Variants in UNC79 observed in about 807,000 individuals in gnomAD.
The protein encoded by UNC79 is protein unc-79 homolog.
In UNC79, 37 loss-of-function variants were observed where a neutral mutation model predicts 283.1. The observed-to-expected ratio is 0.13, with a 90% CI of 0.10 to 0.17. The LOEUF is 0.17. Among genes scored for constraint, UNC79 ranks in the 10% least tolerant of loss-of-function variants. The pLI is 1.00. For synonymous variants in UNC79, 1,107 were observed against 1,200.2 expected (o/e 0.92, Z 1.61); for missense variants, 2,272 against 3,211.1 (o/e 0.71, Z 7.07).
chr14:93,425,873 ACT>A (rs896078439), upstream of UNC79, among the ~76,000 whole-genome samples: 7 of 152,146 alleles, frequency 4.6e-5, no homozygotes, highest in Admixed American at 3.9e-4. Flanking sequence ...ACATTTTAAA[ACT>A]CTTCAGTAAA....
At chr14:93,443,798 G>A (rs1273398734) in intron 1 of UNC79, among the ~76,000 whole-genome samples, 1 of 152,026 alleles carries the variant, frequency 6.6e-6, no homozygotes, top group Admixed American at 6.6e-5. Context: ...TATTTTGTTT[G>A]TTTTTATTGC....
chr14:93,582,608 G>T lies in UNC79; in HGVS notation c.2803+264G>T, dbSNP rs942857974. ...ATCGCCTCCCTACTTACAATGCGAG[G>T]TATTCTCTGTGGACCAAGGCTGGGT... On this transcript the variant is annotated intron_variant, in intron 20 of 48. Coordinates refer to ENST00000555664, the Ensembl canonical transcript of UNC79. 1.8e-4 allele frequency among the ~76,000 whole-genome samples: 28 copies of T among 152,304 alleles called. 2 individuals carry two copies. The highest frequency in any genetic ancestry group is 7.3e-5 in the Non-Finnish European group (5 of 68,032).
At chr14:93,618,495 C>A in intron 29 of UNC79, 141 bp downstream of exon 30, 1 of 979,772 alleles carries the variant, frequency 1.0e-6, no homozygotes. Context: ...TTCCAACTTT[C>A]CATGAATGTT....
At chr14:93,433,853 G>T (rs1029987156) in intron 1 of UNC79, among the ~76,000 whole-genome samples, 27 of 152,158 alleles carry the variant, frequency 1.8e-4, no homozygotes, top group African/African-American at 6.0e-4. Flanking sequence ...GTATCACAGA[G>T]ATATGAAAAA....
intron 1 of UNC79, among the ~76,000 whole-genome samples, chr14:93,445,743 T>C (rs1303241902): frequency 6.6e-6 from 1 of 152,118 alleles, no homozygotes; most frequent in Non-Finnish European, 1.5e-5. Flanking sequence ...CTGGAGGTTC[T>C]TTTTTTGGGG....
rs955797648 is a variant in UNC79 at position 93,442,123 on chromosome 14, C to CT, written c.22+11081dup. 6.0e-5 allele frequency among the ~76,000 whole-genome samples: 9 copies of CT among 150,852 alleles called. No homozygotes were observed. In the South Asian group the frequency reaches 6.3e-4, roughly 11 times the overall value. On this transcript the variant is annotated intron_variant, in intron 1 of 48. Transcript: ENST00000555664. ...AATCTTGTTTTCTTAGTGGCTTAGTCTTTTTTTTTAATCTCCTTTTAAGTA... is the reference window on the plus strand; with the variant it reads ...AATCTTGTTTTCTTAGTGGCTTAGTCTTTTTTTTTTAATCTCCTTTTAAGTA...
chr14:93,506,806 G>A (rs561680028), intron 7 of UNC79, among the ~76,000 whole-genome samples: 5 of 152,132 alleles, frequency 3.3e-5, no homozygotes, highest in African/African-American at 1.2e-4. Context: ...ATGTACAGCT[G>A]GGTCAATTAT....
At chr14:93,697,162 G>A (rs1393204183) in intron 47 of UNC79, among the ~76,000 whole-genome samples, 2 of 151,854 alleles carry the variant, frequency 1.3e-5, no homozygotes, top group Non-Finnish European at 2.9e-5. Context: ...CTGAGACAGA[G>A]TCTCACTCTG....
At chr14:93,416,490 A>G (rs1321043278) in intron 1 of UNC79, among the ~76,000 whole-genome samples, 1 of 150,336 alleles carries the variant, frequency 6.7e-6, no homozygotes, top group Non-Finnish European at 1.5e-5. Flanking sequence ...AAAAAAATGT[A>G]TATTCTGTTG....
At chr14:93,529,378 T>G (rs1398364167) in intron 10 of UNC79, 52 bp downstream of exon 10, 1 of 1,585,754 alleles carries the variant, frequency 6.3e-7, no homozygotes, top group Middle Eastern at 1.8e-4. Flanking sequence ...ACTAATGACA[T>G]AGTTGCTTTA....
chr14:93,350,008 A>T (rs1362585684), intron 1 of UNC79, among the ~76,000 whole-genome samples: 1 of 152,228 alleles, frequency 6.6e-6, no homozygotes, highest in African/African-American at 2.4e-5. Context: ...TTAAAATCGT[A>T]AAATTATTTT....
intron 1 of UNC79, among the ~76,000 whole-genome samples, chr14:93,345,260 A>C (rs2053799258): frequency 6.6e-6 from 1 of 152,248 alleles, no homozygotes; most frequent in African/African-American, 2.4e-5. Context: ...CGTCATTTAT[A>C]AGCCATCCAG....
At position 93,333,783 on chromosome 14, in the gene UNC79, CAG is replaced by C. The variant is rs576494134; in HGVS notation, c.-351+266_-351+267del. On this transcript the variant is annotated intron_variant, in intron 1 of 49. Transcript: ENST00000256339. ...GTATTTATGGGGCACTGTCGTTTTC[CAG>C]AGAGATCCATGGTTTCATTTGAACG... is the stretch of plus-strand genomic sequence containing the variant. 8.5e-5 allele frequency among the ~76,000 whole-genome samples: 13 copies of C among 152,222 alleles called. No homozygotes were observed. In the South Asian group the frequency reaches 2.7e-3, roughly 32 times the overall value.
intron 7 of UNC79, among the ~76,000 whole-genome samples, chr14:93,515,498 C>A (rs1191606357): frequency 6.6e-6 from 1 of 152,014 alleles, no homozygotes; most frequent in African/African-American, 2.4e-5. Context: ...GATATAAAAA[C>A]TATAAACCTA....
intron 1 of UNC79, among the ~76,000 whole-genome samples, chr14:93,441,921 G>A (rs1225947191): frequency 6.6e-6 from 1 of 152,066 alleles, no homozygotes; most frequent in African/African-American, 2.4e-5. Flanking sequence ...TTTAGGAAGG[G>A]CTTACAGAAT....
intron 14 of UNC79, among the ~76,000 whole-genome samples, chr14:93,553,643 A>G (rs2062009184): frequency 6.6e-6 from 1 of 152,332 alleles, no homozygotes; most frequent in South Asian, 2.1e-4. Context: ...TAACAATCTT[A>G]ATTGTTATTG....
At chr14:93,394,691 G>A (rs1321981682) in intron 1 of UNC79, among the ~76,000 whole-genome samples, 1 of 151,966 alleles carries the variant, frequency 6.6e-6, no homozygotes, top group Admixed American at 6.6e-5. Flanking sequence ...ACAGGCGTGA[G>A]CCACTGCACC....
At chr14:93,476,607 A>G (rs1343012201) in intron 3 of UNC79, among the ~76,000 whole-genome samples, 2 of 152,206 alleles carry the variant, frequency 1.3e-5, no homozygotes, top group Non-Finnish European at 2.9e-5. Flanking sequence ...AATCCAAAGA[A>G]GGTTCATCTG....
intron 12 of UNC79, among the ~76,000 whole-genome samples, chr14:93,540,204 A>G (rs1050201422): frequency 2.6e-5 from 4 of 152,198 alleles, no homozygotes; most frequent in Non-Finnish European, 4.4e-5. Context: ...AAGAATTTTC[A>G]CTGTTTCACT....
Sources: allele counts gnomAD v4.1 joint callset (sites outside exome capture counted in the v4.1 genomes callset), GRCh38; gene constraint gnomAD v4.1.1; transcripts MANE v1.5; gene names NCBI Gene and HGNC (gene_info 2026-07-23, HGNC 2026-07-21).